Variants in AKR1B1 observed in about 807,000 individuals in gnomAD.
AKR1B1 encodes aldo-keto reductase family 1 member B.
AKR1B1 carries 22 observed loss-of-function variants against 40.4 expected under a neutral mutation model. The ratio of observed to expected loss-of-function variants is 0.54; its 90% CI spans 0.39 to 0.78. The LOEUF (loss-of-function observed/expected upper bound fraction) is 0.78, where lower values mean the gene tolerates loss of function less well. Among genes scored for constraint, AKR1B1 ranks in the 30% least tolerant of loss-of-function variants. The pLI is 0.00. For missense variants in AKR1B1, 357 were observed against 396.7 expected (o/e 0.90, Z 0.85); for synonymous variants, 157 against 149.9 (o/e 1.05, Z -0.35).
chr7:134,452,152 G>A (rs567626872), intron 1 of AKR1B1, among the ~76,000 whole-genome samples: 14 of 152,144 alleles, frequency 9.2e-5, no homozygotes, highest in African/African-American at 1.4e-4. Flanking sequence ...AAAAATAGAT[G>A]TCCTATGGAC....
In AKR1B1 at chr7:134,451,621, C is replaced by T. The variant is rs776564021; in HGVS notation, c.199G>A (p.Val67Met). The T allele has an allele frequency of 2.5e-6, 4 of 1,614,092 alleles. No homozygotes were observed. The highest frequency in any genetic ancestry group is 2.2e-5 in the South Asian group (2 of 91,080). Residue 67 changes from valine to methionine, a missense_variant, in exon 2 of 10, where the codon GTG becomes ATG. Physicochemically the swap from Val to Met is conservative, Grantham distance 21. Transcript: ENST00000285930. The stretch of plus-strand genomic sequence containing the variant: ...ATGAAGAGCTCCTCACGCTTCACCA[C>T]CTGCTCCCTGAGCTTCTCCTGAATG... ...VAIQEKLREQ[V>M]VKREELFIVS...
At position 134,447,969 on chromosome 7, in the gene AKR1B1, A is replaced by G. The variant is rs1248999915; in HGVS notation, c.741+11T>C. On this transcript the variant is annotated intron_variant, in intron 7 of 9. Transcript: ENST00000285930. ...GTTGTGGACGGTCAGCAACACCTGA[A>G]GTGGCTGTACCTGGGCTGTAGTTTT... The G allele has an allele frequency of 3.1e-6, 5 of 1,609,454 alleles. No homozygotes were observed. In the Admixed American group the frequency reaches 8.4e-5, roughly 27 times the overall value.
chr7:134,443,442 A>G (rs1318463566), intron 9 of AKR1B1, among the ~76,000 whole-genome samples: 1 of 152,048 alleles, frequency 6.6e-6, no homozygotes, highest in African/African-American at 2.4e-5. Context: ...AAAAGTCTGT[A>G]TGTGACTGAA....
Position 134,449,104 on chromosome 7 carries a change from C to T in AKR1B1, c.445G>A (p.Val149Met). Residue 149 changes from valine to methionine, a missense_variant, in exon 5 of 10, where the codon GTG (valine) becomes ATG (methionine). Transcript: ENST00000285930. Reference sequence around the variant, plus strand: ...ATAGCTTTCACCAGCCCTTCATCCACCAGCTCTTCCATGGCCTACAGAGAA... The same window carrying T: ...ATAGCTTTCACCAGCCCTTCATCCATCAGCTCTTCCATGGCCTACAGAGAA... ...LDTWAAMEEL[V>M]DEGLVKAIGI... is the part of the protein sequence containing the mutation. 1 of 1,613,826 alleles carries T rather than the reference C, an allele frequency of 6.2e-7. No individual in the cohort carries two copies. Among genetic ancestry groups the T allele is most frequent in the Non-Finnish European group, 8.5e-7 (1 of 1,180,036 alleles).
chr7:134,458,295 G>A (rs1253202150), intron 1 of AKR1B1, among the ~76,000 whole-genome samples: 1 of 152,034 alleles, frequency 6.6e-6, no homozygotes, highest in Admixed American at 6.5e-5. Flanking sequence ...TAACCTTGGC[G>A]CCTCCTGAAT....
In AKR1B1 at chr7:134,450,877, C is replaced by T; in HGVS notation, c.260G>A (p.Gly87Asp). 6.2e-7 allele frequency: 1 copy of T among 1,614,100 alleles called. No homozygotes were observed. The highest frequency in any genetic ancestry group is 8.5e-7 in the Non-Finnish European group (1 of 1,179,984). Residue 87 changes from glycine (G) to aspartate (D), a missense_variant, in exon 3 of 10, where the codon GGC (glycine) becomes GAC (aspartate). Coordinates refer to ENST00000285930, the MANE Select transcript of AKR1B1 (RefSeq NM_001628.4). ...SKLWCTYHEK[G>D]LVKGACQKTL... ...CTTCTGGCAGGCTCCTTTCACCAGG[C>T]CCTTCTCATGGTACGTGCACCACAG...
intron 2 of AKR1B1, chr7:134,451,212 T>C (rs1806277372): frequency 1.9e-6 from 1 of 535,920 alleles, no homozygotes; most frequent in Non-Finnish European, 3.4e-6. Context: ...GCCAGCCCCA[T>C]CCTCCTGCCT....
intron 4 of AKR1B1, 94 bp from the exon 5 acceptor site, chr7:134,449,213 A>G: frequency 1.3e-6 from 2 of 1,536,416 alleles, no homozygotes; most frequent in Non-Finnish European, 1.8e-6. Context: ...TCCTGCCCTC[A>G]CTCTTCAGTG....
chr7:134,451,990 G>C (rs1008187345), intron 1 of AKR1B1, among the ~76,000 whole-genome samples: 1 of 152,218 alleles, frequency 6.6e-6, no homozygotes, highest in African/African-American at 2.4e-5. Flanking sequence ...GTGTAGGTGA[G>C]ATCACTTTTA....
At chr7:134,453,618 G>C (rs2551476) in intron 1 of AKR1B1, among the ~76,000 whole-genome samples, 1 of 151,944 alleles carries the variant, frequency 6.6e-6, no homozygotes, top group African/African-American at 2.4e-5. Flanking sequence ...TCAAGCTTGC[G>C]TTGGCACGAC....
chr7:134,447,760 G>C, intron 7 of AKR1B1: 1 of 649,858 alleles, frequency 1.5e-6, no homozygotes, highest in East Asian at 2.7e-5. Flanking sequence ...CCTCGTGGCA[G>C]TCACCCTTGC....
chr7:134,448,406 C>T lies in AKR1B1; in HGVS notation c.640G>A (p.Gly214Ser), dbSNP rs1321971782. The T allele has an allele frequency of 8.7e-6, 14 of 1,613,574 alleles. No individual in the cohort carries two copies. In the East Asian group the frequency reaches 1.3e-4, roughly 15 times the overall value. The change falls in exon 6 of 10, where the codon GGC becomes AGC. Residue 214 changes from glycine (G) to serine (S), a missense_variant. Physicochemically the swap from Gly to Ser is moderately conservative, Grantham distance 56. Coordinates refer to ENST00000285930, the MANE Select transcript of AKR1B1 (RefSeq NM_001628.4). ...GCTCACCAGGGCCTGTCAGGAGAGC[C>T]GAGGGGGCTGTAGGCGGTCACCACG... Reference protein sequence around the residue: ...GIVVTAYSPLGSPDRPWAKPE... With the variant: ...GIVVTAYSPLSSPDRPWAKPE...
At chr7:134,446,587 C>T (rs1309908262) in intron 8 of AKR1B1, among the ~76,000 whole-genome samples, 1 of 152,200 alleles carries the variant, frequency 6.6e-6, no homozygotes, top group Non-Finnish European at 1.5e-5. Flanking sequence ...GCGTGCCCCC[C>T]CCCTCCCCCA....
chr7:134,455,934 G>A (rs1366830563), intron 1 of AKR1B1, among the ~76,000 whole-genome samples: 1 of 152,162 alleles, frequency 6.6e-6, no homozygotes, highest in Non-Finnish European at 1.5e-5. Context: ...CATGGGTCTG[G>A]GGCAGAGATG....
At chr7:134,453,047 C>T (rs139905258) in intron 1 of AKR1B1, among the ~76,000 whole-genome samples, 133 of 152,284 alleles carry the variant, frequency 8.7e-4, no homozygotes, top group Middle Eastern at 3.4e-3. Context: ...TCTCAATTTC[C>T]AGAAAGAATG....
rs779124069 is a variant in AKR1B1 at position 134,451,706 on chromosome 7, G to A, written c.114C>T (p.Val38=). ...GGGCACAGTCGATGTGGCGGTACCC[G>A]ACGTCAATGGCCACCTTCACGGCCT... The part of the protein sequence containing the change: ...VTEAVKVAID[V]GYRHIDCAHV... The change falls in exon 2 of 10, where the codon GTC becomes GTT. Residue 38 remains valine (V), a synonymous_variant. Coordinates refer to ENST00000285930, the MANE Select transcript of AKR1B1 (RefSeq NM_001628.4). 9.7e-5 allele frequency: 157 copies of A among 1,613,994 alleles called. No individual in the cohort carries two copies. Among genetic ancestry groups the A allele is most frequent in the Middle Eastern group, 3.3e-4 (2 of 6,084 alleles).
At chr7:134,458,777 A>C (rs1400773896) in intron 1 of AKR1B1, among the ~76,000 whole-genome samples, 2 of 152,056 alleles carry the variant, frequency 1.3e-5, no homozygotes, top group Non-Finnish European at 2.9e-5. Context: ...CACTCGCAGG[A>C]TGCTGCCCTG....
chr7:134,451,451 G>A (rs1014323452), intron 2 of AKR1B1, 135 bp downstream of exon 2: 7 of 1,107,958 alleles, frequency 6.3e-6, no homozygotes, highest in Admixed American at 1.9e-5. Flanking sequence ...TATGGCCGTG[G>A]GTGATACGTT....
At chr7:134,442,890 A>C in intron 9 of AKR1B1, 120 bp from the exon 10 acceptor site, 2 of 978,908 alleles carry the variant, frequency 2.0e-6, no homozygotes, top group Non-Finnish European at 3.2e-6. Context: ...AGAGGCAACA[A>C]GCTAGTTCTG....
Sources: allele counts gnomAD v4.1 joint callset (sites outside exome capture counted in the v4.1 genomes callset), GRCh38; gene constraint gnomAD v4.1.1; transcripts MANE v1.5; gene names NCBI Gene and HGNC (gene_info 2026-07-23, HGNC 2026-07-21).